BLOC1S3: variants seen among roughly 807,000 people sequenced by gnomAD.
The protein encoded by BLOC1S3 is biogenesis of lysosome-related organelles complex 1 subunit 3.
In BLOC1S3, 7 loss-of-function variants were observed where a neutral mutation model predicts 9.1. That is an observed-to-expected ratio of 0.77 (90% CI 0.44 to 1.45). The LOEUF is 1.45. Among genes scored for constraint, BLOC1S3 ranks in the 40% most tolerant of loss-of-function variants. BLOC1S3 has a pLI of 0.01. For synonymous variants in BLOC1S3, 145 were observed against 158.4 expected (o/e 0.92, Z 0.64); for missense variants, 307 against 315.2 (o/e 0.97, Z 0.20).
chr19:45,189,443 T>C (rs1410350420), intron 2 of BLOC1S3, among the ~76,000 whole-genome samples: 1 of 141,308 alleles, frequency 7.1e-6, no homozygotes, highest in Middle Eastern at 3.6e-3. Flanking sequence ...TTTTTTTTTC[T>C]TTTTTTGAGA....
In BLOC1S3 at chr19:45,179,760, C is replaced by T. The variant is rs769129098; in HGVS notation, c.464C>T (p.Ala155Val). The change falls in exon 2 of 2, where the codon GCG becomes GTG. Residue 155 changes from alanine to valine, a missense_variant. Transcript: ENST00000433642. The surrounding 1 kb of genome is among the most constrained non-coding windows in gnomAD (Gnocchi z 4.6). The stretch of plus-strand genomic sequence containing the variant: ...GCGGCAGCCCAGGCGGCGGGGCTGG[C>T]GGCGGCCCACAGCGTGCGCCTGGCG... Reference protein sequence around the residue: ...RLAAAQAAGLAAAHSVRLARG... With the variant: ...RLAAAQAAGLVAAHSVRLARG... 7 of 1,489,386 alleles carry T rather than the reference C, an allele frequency of 4.7e-6. No homozygotes were observed. The highest frequency in any genetic ancestry group is 6.2e-6 in the Non-Finnish European group (7 of 1,127,736). The allele number at this position is 1,489,386 out of a possible 1,614,324, so 92.3% of individuals were successfully genotyped here. A position where few individuals can be genotyped will look rare whatever the true frequency, so the allele number is the denominator to read the frequency against.
chr19:45,213,150 G>T lies in BLOC1S3; in HGVS notation n.283-3526G>T. 6.3e-7 allele frequency: 1 copy of T among 1,589,512 alleles called. No homozygotes were observed. Among genetic ancestry groups the T allele is most frequent in the Non-Finnish European group, 8.6e-7 (1 of 1,168,592 alleles). On this transcript the variant is annotated intron_variant and non_coding_transcript_variant, in intron 3 of 3. Coordinates refer to the BLOC1S3 transcript ENST00000591569. ...CCAAACTGGGCCTGGCCAGCCGGGA[G>T]AGGGGGAGGCGGCCCAGGAAGAGAG...
intron 3 of BLOC1S3, among the ~76,000 whole-genome samples, chr19:45,206,380 T>C (rs1463523086): frequency 1.3e-5 from 2 of 149,002 alleles, no homozygotes; most frequent in African/African-American, 4.9e-5. Context: ...AAAAAATCTA[T>C]TATTTTCATG....
At chr19:45,198,360 C>A (rs866833929) in intron 2 of BLOC1S3, among the ~76,000 whole-genome samples, 15 of 152,114 alleles carry the variant, frequency 9.9e-5, no homozygotes, top group African/African-American at 3.1e-4. Flanking sequence ...GGTGCGAGCT[C>A]GGCTCACTGC....
chr19:45,193,132 CAAAAAAAA>C lies in BLOC1S3; in HGVS notation n.180+5413_180+5420del, dbSNP rs71173123. Among the ~76,000 whole-genome samples the C allele has an allele frequency of 3.8e-4, 30 of 77,958 alleles. 1 individual carries two copies. Among genetic ancestry groups the C allele is most frequent in the South Asian group, 1.7e-3 (3 of 1,746 alleles). The allele number at this position is 77,958 out of a possible 152,430, so 51.1% of individuals were successfully genotyped here. On this transcript the variant is annotated intron_variant and non_coding_transcript_variant, in intron 2 of 3. Transcript: ENST00000591569. ...GGGCAACAAGAGCAAAACTCCGTCTCAAAAAAAAAAAAAAAAAAAAAAAAAAAAGAGAC... is the reference window on the plus strand; with the variant it reads ...GGGCAACAAGAGCAAAACTCCGTCTCAAAAAAAAAAAAAAAAAAAAGAGAC...
At chr19:45,188,635 C>T (rs1969583452) in intron 2 of BLOC1S3, among the ~76,000 whole-genome samples, 1 of 146,858 alleles carries the variant, frequency 6.8e-6, no homozygotes, top group African/African-American at 2.5e-5. Context: ...TGCAATGGTG[C>T]ATTCTTGGCT....
chr19:45,216,336 G>T, intron 3 of BLOC1S3: 3 of 1,190,974 alleles, frequency 2.5e-6, no homozygotes, highest in Non-Finnish European at 1.1e-6. Flanking sequence ...AGCACTTTGG[G>T]AGGAGGCCGA....
intron 2 of BLOC1S3, among the ~76,000 whole-genome samples, chr19:45,191,910 G>A (rs375740810): frequency 1.4e-4 from 22 of 152,206 alleles, no homozygotes; most frequent in African/African-American, 4.1e-4. Flanking sequence ...CCCAAGGCCC[G>A]TGGTCAGCAC....
intron 2 of BLOC1S3, among the ~76,000 whole-genome samples, chr19:45,198,121 C>T (rs951235628): frequency 1.4e-4 from 22 of 152,078 alleles, no homozygotes; most frequent in African/African-American, 5.3e-4. Context: ...CAGGGCAGAG[C>T]GAGAGCAAAT....
At chr19:45,192,334 C>T (rs1193929431) in intron 2 of BLOC1S3, among the ~76,000 whole-genome samples, 1 of 152,108 alleles carries the variant, frequency 6.6e-6, no homozygotes, top group East Asian at 1.9e-4. Flanking sequence ...CCCCTCTGGC[C>T]AAAGGTAGGT....
At chr19:45,200,274 C>T (rs996637300) in intron 2 of BLOC1S3, among the ~76,000 whole-genome samples, 8 of 151,368 alleles carry the variant, frequency 5.3e-5, no homozygotes, top group Admixed American at 2.0e-4. Flanking sequence ...CTCCACCTCC[C>T]GAGTTCATGC....
chr19:45,205,193 T>G (rs1969718017), intron 3 of BLOC1S3, among the ~76,000 whole-genome samples: 1 of 151,778 alleles, frequency 6.6e-6, no homozygotes. Flanking sequence ...TGAGACGGAG[T>G]CTTGCACTGT....
intron 3 of BLOC1S3, among the ~76,000 whole-genome samples, chr19:45,205,614 T>C (rs1319894258): frequency 6.6e-6 from 1 of 152,198 alleles, no homozygotes; most frequent in African/African-American, 2.4e-5. Flanking sequence ...TGTACAAGCA[T>C]GATCATAAGA....
At chr19:45,195,242 C>T (rs1969638677) in intron 2 of BLOC1S3, among the ~76,000 whole-genome samples, 1 of 152,040 alleles carries the variant, frequency 6.6e-6, no homozygotes, top group Non-Finnish European at 1.5e-5. Flanking sequence ...GGGTCTCACT[C>T]TGCCACCTTC....
intron 3 of BLOC1S3, chr19:45,216,042 G>A (rs200217798): frequency 5.2e-5 from 83 of 1,610,712 alleles, no homozygotes; most frequent in Non-Finnish European, 6.5e-5. Context: ...GGCCAGGCAC[G>A]GCGAGCCCTG....
At chr19:45,213,110 G>A in intron 3 of BLOC1S3, 1 of 1,545,102 alleles carries the variant, frequency 6.5e-7, no homozygotes, top group Non-Finnish European at 8.7e-7. Flanking sequence ...GGAGGCCGGG[G>A]CCGAGGCAGA....
Position 45,197,403 on chromosome 19 carries a change from C to G in BLOC1S3, n.181-5003C>G, listed in dbSNP as rs112870586. On this transcript the variant is annotated intron_variant and non_coding_transcript_variant, in intron 2 of 3. Coordinates refer to the BLOC1S3 transcript ENST00000591569. ...CCAGGAGGCTGAGGCATGAGAATCA[C>G]TTGAACCCGGGAGGTGGAGTTTGCA... 9.5e-3 allele frequency among the ~76,000 whole-genome samples: 1,445 copies of G among 151,774 alleles called. 27 individuals carry two copies. Among genetic ancestry groups the G allele is most frequent in the African/African-American group, 0.033 (1,381 of 41,354 alleles).
At chr19:45,214,517 T>C (rs1164074588) in intron 3 of BLOC1S3, among the ~76,000 whole-genome samples, 1 of 152,164 alleles carries the variant, frequency 6.6e-6, no homozygotes, top group East Asian at 1.9e-4. Context: ...CAGGCTGGAG[T>C]GCAGTGGCGC....
At chr19:45,186,335 A>ATTC, downstream of BLOC1S3, among the ~76,000 whole-genome samples, 1 of 152,220 alleles carries the variant, frequency 6.6e-6, no homozygotes, top group South Asian at 2.1e-4. Flanking sequence ...TATTATTATT[A>ATTC]TTATTATTTT....
Sources: gnomAD v4.1 joint callset for allele counts (sites outside exome capture counted in the v4.1 genomes callset) on GRCh38, gnomAD v4.1.1 for gene constraint, Gnocchi (gnomAD v3.1) non-coding constraint, MANE v1.5 for transcripts, NCBI Gene and HGNC (gene_info 2026-07-23, HGNC 2026-07-21) for gene names.